The following WDFY4 variants were observed in gnomAD, a reference collection of about 807,000 sequenced individuals.
WDFY4 encodes WDFY family member 4, also known as WD repeat- and FYVE domain-containing protein 4.
A neutral mutation model predicts 351.9 loss-of-function variants in WDFY4; 169 were observed. That is an observed-to-expected ratio of 0.48 (90% CI 0.42 to 0.55). The LOEUF is 0.55. Ranked by LOEUF, WDFY4 falls within the 20% of genes least tolerant of loss-of-function variation. The pLI, the probability that WDFY4 is intolerant of heterozygous loss-of-function variation, is 0.00. For synonymous variants in WDFY4, 1,622 were observed against 1,574.6 expected, an observed-to-expected ratio of 1.03 and a Z score of -0.71; for missense variants, 3,803 against 3,935.6, an observed-to-expected ratio of 0.97 and a Z score of 0.90.
intron 9 of WDFY4, among the ~76,000 whole-genome samples, chr10:48,732,188 C>T (rs979764080): frequency 4.6e-5 from 7 of 152,204 alleles, no homozygotes; most frequent in Non-Finnish European, 1.0e-4. Context: ...AGGGGTTGGG[C>T]TCTTGCACTG....
intron 47 of WDFY4, among the ~76,000 whole-genome samples, chr10:48,924,740 A>G (rs1225253130): frequency 6.6e-6 from 1 of 152,230 alleles, no homozygotes; most frequent in Admixed American, 6.5e-5. Context: ...GGATATCTAA[A>G]TTAAAAAAGT....
chr10:48,722,250 G>C (rs766509809), intron 4 of WDFY4, among the ~76,000 whole-genome samples: 2 of 152,206 alleles, frequency 1.3e-5, no homozygotes, highest in Non-Finnish European at 2.9e-5. Flanking sequence ...CTGCATCACT[G>C]TCAGGCACAG....
chr10:48,746,599 T>C (rs1279329293), intron 12 of WDFY4, among the ~76,000 whole-genome samples: 3 of 152,182 alleles, frequency 2.0e-5, no homozygotes, highest in Non-Finnish European at 2.9e-5. Context: ...GATTTCTACT[T>C]AGCTTTTTAC....
At position 48,787,802 on chromosome 10, in the gene WDFY4, T is replaced by C. The variant is rs963233706; in HGVS notation, c.3809-728T>C. Among the ~76,000 whole-genome samples the C allele has an allele frequency of 1.2e-3, 115 of 96,624 alleles. 7 individuals are homozygous for C. Among genetic ancestry groups the C allele is most frequent in the African/African-American group, 5.0e-3 (113 of 22,428 alleles). 63.4% of individuals were successfully genotyped at this position (96,624 alleles called of 152,430 possible). On this transcript the variant is annotated intron_variant, in intron 20 of 61. Transcript: ENST00000325239. Reference sequence around the variant, plus strand: ...TTCTTCCTCTTCCTCCTCCTCCTCCTCCTCCTCTTCTTCTTCTTCTTCTTC... The same window carrying C: ...TTCTTCCTCTTCCTCCTCCTCCTCCCCCTCCTCTTCTTCTTCTTCTTCTTC...
At chr10:48,790,952 T>C (rs1162628613) in intron 23 of WDFY4, 35 bp downstream of exon 23, 1 of 1,548,302 alleles carries the variant, frequency 6.5e-7, no homozygotes, top group South Asian at 1.2e-5. Flanking sequence ...CTGAGACTCC[T>C]GAAAGGGCTG....
At chr10:48,869,156 C>A (rs2069663338) in intron 40 of WDFY4, among the ~76,000 whole-genome samples, 1 of 152,194 alleles carries the variant, frequency 6.6e-6, no homozygotes, top group Admixed American at 6.5e-5. Context: ...GGGATGTGGA[C>A]CTTTGCCCTG....
intron 47 of WDFY4, among the ~76,000 whole-genome samples, chr10:48,928,662 A>G (rs1250870858): frequency 2.0e-5 from 3 of 152,138 alleles, no homozygotes; most frequent in Non-Finnish European, 4.4e-5. Flanking sequence ...TTCTTTCTGC[A>G]CTTCACACCC....
At chr10:48,940,373 T>A (rs1045786866) in intron 47 of WDFY4, among the ~76,000 whole-genome samples, 1 of 152,194 alleles carries the variant, frequency 6.6e-6, no homozygotes, top group African/African-American at 2.4e-5. Flanking sequence ...AAGAGGTAAA[T>A]CCCAGCCTGA....
chr10:48,947,770 G>A (rs188501329), intron 51 of WDFY4, among the ~76,000 whole-genome samples: 2 of 152,294 alleles, frequency 1.3e-5, no homozygotes, highest in East Asian at 1.9e-4. Context: ...GCTTTTGAAC[G>A]GGGAGATAGC....
intron 46 of WDFY4, 41 bp downstream of exon 46, chr10:48,900,347 G>C: frequency 6.6e-7 from 1 of 1,514,010 alleles, no homozygotes; most frequent in Non-Finnish European, 9.0e-7. Flanking sequence ...AACTGATCCT[G>C]AACTGAGAGC....
At chr10:48,962,720 G>A (rs1332913124) in intron 53 of WDFY4, among the ~76,000 whole-genome samples, 1 of 152,154 alleles carries the variant, frequency 6.6e-6, no homozygotes, top group Non-Finnish European at 1.5e-5. Context: ...GGTCCTGAAT[G>A]GGATGAGGTT....
intron 47 of WDFY4, among the ~76,000 whole-genome samples, chr10:48,937,018 C>A (rs1010094592): frequency 1.3e-5 from 2 of 151,508 alleles, no homozygotes; most frequent in Non-Finnish European, 2.9e-5. Context: ...CTCCCGGGTT[C>A]GAGTAGCTGG....
intron 39 of WDFY4, among the ~76,000 whole-genome samples, chr10:48,843,391 A>G (rs949188520): frequency 6.6e-6 from 1 of 152,190 alleles, no homozygotes; most frequent in African/African-American, 2.4e-5. Flanking sequence ...ATACTTTACC[A>G]TTTGCAATTC....
At chr10:48,795,817 A>G (rs1423792338) in intron 23 of WDFY4, among the ~76,000 whole-genome samples, 1 of 152,030 alleles carries the variant, frequency 6.6e-6, no homozygotes, top group Non-Finnish European at 1.5e-5. Context: ...GTCTGAGACA[A>G]GCTGGGTCAC....
intron 47 of WDFY4, among the ~76,000 whole-genome samples, chr10:48,904,673 C>T (rs1837526001): frequency 6.6e-6 from 1 of 152,164 alleles, no homozygotes; most frequent in Non-Finnish European, 1.5e-5. Context: ...GGAATCCCAC[C>T]ACACACCGTA....
chr10:48,750,589 T>A (rs914735198), intron 12 of WDFY4, among the ~76,000 whole-genome samples: 1 of 152,252 alleles, frequency 6.6e-6, no homozygotes, highest in South Asian at 2.1e-4. Context: ...GCCTCACATT[T>A]CCTCAGCACC....
intron 39 of WDFY4, among the ~76,000 whole-genome samples, chr10:48,834,302 G>A (rs2068302112): frequency 6.6e-6 from 1 of 152,118 alleles, no homozygotes; most frequent in African/African-American, 2.4e-5. Context: ...GGGCTTTTCA[G>A]TCATTAAATG....
intron 11 of WDFY4, among the ~76,000 whole-genome samples, chr10:48,739,146 A>G (rs2064769104): frequency 6.6e-6 from 1 of 152,234 alleles, no homozygotes; most frequent in South Asian, 2.1e-4. Context: ...GCATTACCTC[A>G]CCGGTATTCC....
At chr10:48,975,622 C>A (rs1366448918) in intron 58 of WDFY4, among the ~76,000 whole-genome samples, 1 of 152,154 alleles carries the variant, frequency 6.6e-6, no homozygotes, top group African/African-American at 2.4e-5. Context: ...ATAGGAGCTT[C>A]CTGGTTCCAA....
Sources: gnomAD v4.1 joint callset for allele counts (sites outside exome capture counted in the v4.1 genomes callset) on GRCh38, gnomAD v4.1.1 for gene constraint, MANE v1.5 for transcripts, NCBI Gene and HGNC (gene_info 2026-07-23, HGNC 2026-07-21) for gene names.